The following CHURC1 variants were observed in gnomAD, a reference collection of about 807,000 sequenced individuals.
CHURC1 encodes the protein churchill domain containing 1, also known as protein Churchill.
Under a neutral mutation model 15.4 loss-of-function variants are expected in CHURC1, and 12 were observed. The observed-to-expected ratio is 0.78, with a 90% confidence interval of 0.50 to 1.27. The LOEUF is 1.27. Ranked by LOEUF, CHURC1 falls within the 50% of genes most tolerant of loss-of-function variation. CHURC1 has a pLI of 0.00. For synonymous variants in CHURC1, 42 were observed against 47.5 expected (o/e 0.88, Z 0.48); for missense variants, 132 against 137.8 (o/e 0.96, Z 0.21).
In CHURC1 at chr14:64,932,214, T is replaced by TG. The variant is rs776154153; in HGVS notation, c.324dup (p.Thr109AspfsTer50). 1.2e-5 allele frequency: 20 copies of TG among 1,613,970 alleles called. No individual in the cohort carries two copies. The East Asian group carries it at 3.8e-4, about 31-fold the overall frequency. On this transcript the variant is annotated frameshift_variant, in exon 4 of 4. Coordinates refer to ENST00000549115, the MANE Select transcript of CHURC1 (RefSeq NM_001386928.1). LOFTEE classifies it high-confidence loss of function. ...ATTCTCCCTGATGACCCCCGACAAA[T>TG]GACTCTCTTATTCTAAGGATCCTTC...
chr14:64,917,922 C>T (rs1055152924), intron 1 of CHURC1, among the ~76,000 whole-genome samples: 2 of 152,154 alleles, frequency 1.3e-5, no homozygotes, highest in African/African-American at 4.8e-5. Context: ...TATCATGCTT[C>T]ACCTGAGGTT....
In CHURC1 at chr14:64,933,619, T is replaced by C. The variant is rs976191734; in HGVS notation, c.*1389T>C. 1 of 985,280 alleles carries C rather than the reference T, an allele frequency of 1.0e-6. No homozygotes were observed. The highest frequency in any genetic ancestry group is 4.7e-5 in the South Asian group (1 of 21,292). The allele number at this position is 985,280 out of a possible 1,614,324, so 61.0% of individuals were successfully genotyped here. On this transcript the variant is annotated 3_prime_UTR_variant, in exon 4 of 4. Coordinates refer to ENST00000549115, the MANE Select transcript of CHURC1 (RefSeq NM_001386928.1). ...ATGAATTAGTGAATGTAAGATACTTTAGAAAGCATGTAAAGTACTAGAAAC... is the reference window on the plus strand; with the variant it reads ...ATGAATTAGTGAATGTAAGATACTTCAGAAAGCATGTAAAGTACTAGAAAC...
At position 64,918,054 on chromosome 14, in the gene CHURC1, G is replaced by T. The variant is rs903619253; in HGVS notation, c.39+3520G>T. Among the ~76,000 whole-genome samples, 7 of 152,292 alleles carry T rather than the reference G, an allele frequency of 4.6e-5. No homozygotes were observed. The South Asian group carries it at 6.2e-4, about 14-fold the overall frequency. Reference sequence around the variant, plus strand: ...TTTGTTCTCTGAGGAAAAAAATGTAGAGAATCAAGGACTGAGCTCCAAAGA... The same window carrying T: ...TTTGTTCTCTGAGGAAAAAAATGTATAGAATCAAGGACTGAGCTCCAAAGA... On this transcript the variant is annotated intron_variant, in intron 1 of 3. Coordinates refer to ENST00000549115, the MANE Select transcript of CHURC1 (RefSeq NM_001386928.1).
intron 3 of CHURC1, among the ~76,000 whole-genome samples, chr14:64,929,395 A>G (rs1458947904): frequency 2.0e-5 from 3 of 151,956 alleles, no homozygotes; most frequent in South Asian, 2.1e-4. Context: ...TCTTGTACCT[A>G]TGTCAGGCCC....
chr14:64,916,632 C>T (rs1566826584), intron 1 of CHURC1, among the ~76,000 whole-genome samples: 1 of 152,094 alleles, frequency 6.6e-6, no homozygotes, highest in Non-Finnish European at 1.5e-5. Context: ...GGTTGGAGTG[C>T]AGTGGCATGA....
At chr14:64,916,794 GGT>G (rs1352562940) in intron 1 of CHURC1, among the ~76,000 whole-genome samples, 1 of 152,016 alleles carries the variant, frequency 6.6e-6, no homozygotes, top group East Asian at 1.9e-4. Context: ...TAGCCAGGAT[GGT>G]CTCGATCTCC....
rs140717807 is a variant in CHURC1, at chr14:64,933,509, C to G, written c.*1279C>G. On this transcript the variant is annotated 3_prime_UTR_variant, in exon 4 of 4. Coordinates refer to ENST00000549115, the MANE Select transcript of CHURC1 (RefSeq NM_001386928.1). The stretch of plus-strand genomic sequence containing the variant: ...TATAGTCATTAAGCAAAGCATTACT[C>G]TGGACTTTATTGTCCTGTTTCTATC... 551 of 983,592 alleles carry G rather than the reference C, an allele frequency of 5.6e-4. No homozygotes were observed. The highest frequency in any genetic ancestry group is 6.4e-4 in the Non-Finnish European group (526 of 828,240). 60.9% of individuals were successfully genotyped at this position (983,592 alleles called of 1,614,324 possible). A position where few individuals can be genotyped will look rare whatever the true frequency, so the allele number is the denominator to read the frequency against.
Position 64,933,571 on chromosome 14 carries a change from C to G in CHURC1, c.*1341C>G. On this transcript the variant is annotated 3_prime_UTR_variant, in exon 4 of 4. Coordinates refer to ENST00000549115, the MANE Select transcript of CHURC1 (RefSeq NM_001386928.1). Reference sequence around the variant, plus strand: ...ACAAAAATTGATATAATACATTCATCACAGTATTGTTAGGAGATTTAAATG... The same window carrying G: ...ACAAAAATTGATATAATACATTCATGACAGTATTGTTAGGAGATTTAAATG... The G allele has an allele frequency of 1.0e-6, 1 of 972,970 alleles. No individual in the cohort carries two copies. Among genetic ancestry groups the G allele is most frequent in the Non-Finnish European group, 1.2e-6 (1 of 818,762 alleles). The allele number at this position is 972,970 out of a possible 1,614,324, so 60.3% of individuals were successfully genotyped here. A position where few individuals can be genotyped will look rare whatever the true frequency, so the allele number is the denominator to read the frequency against.
intron 1 of CHURC1, among the ~76,000 whole-genome samples, chr14:64,923,347 G>T (rs1281019763): frequency 6.8e-6 from 1 of 146,762 alleles, no homozygotes; most frequent in African/African-American, 2.5e-5. Flanking sequence ...AACTTTTTTT[G>T]AAAATTTGTA....
At chr14:64,931,528 T>G (rs1885075564) in intron 3 of CHURC1, among the ~76,000 whole-genome samples, 1 of 151,544 alleles carries the variant, frequency 6.6e-6, no homozygotes. Flanking sequence ...AGTGATACCG[T>G]GTCTAAAAAA....
intron 1 of CHURC1, among the ~76,000 whole-genome samples, chr14:64,917,537 T>C (rs1455078291): frequency 6.6e-6 from 1 of 152,072 alleles, no homozygotes; most frequent in Admixed American, 6.5e-5. Context: ...CTCTCCACCA[T>C]GGGTGACAAG....
intron 3 of CHURC1, among the ~76,000 whole-genome samples, chr14:64,927,615 G>C (rs1034297582): frequency 1.3e-5 from 2 of 151,802 alleles, no homozygotes; most frequent in African/African-American, 4.8e-5. Flanking sequence ...CAGGAAGAAG[G>C]TAAAGGAAGG....
At chr14:64,917,908 T>C (rs1487616138) in intron 1 of CHURC1, among the ~76,000 whole-genome samples, 4 of 152,210 alleles carry the variant, frequency 2.6e-5, no homozygotes, top group Admixed American at 2.0e-4. Flanking sequence ...CAAATTGTTA[T>C]TAATATCATG....
intron 1 of CHURC1, among the ~76,000 whole-genome samples, chr14:64,915,431 G>A (rs564548913): frequency 6.6e-6 from 1 of 152,222 alleles, no homozygotes; most frequent in African/African-American, 2.4e-5. Flanking sequence ...AGGGAAAGGG[G>A]AGGGCAATAG....
At chr14:64,924,982 T>C (rs965090790) in intron 2 of CHURC1, among the ~76,000 whole-genome samples, 2 of 152,214 alleles carry the variant, frequency 1.3e-5, no homozygotes, top group Admixed American at 1.3e-4. Context: ...GCTAGAAGAA[T>C]CTTTTTCTTT....
chr14:64,932,918 G>T lies in CHURC1; in HGVS notation c.*688G>T, dbSNP rs1468195743. 2 of 152,188 alleles carry T rather than the reference G, an allele frequency of 1.3e-5. No homozygotes were observed. Among genetic ancestry groups the T allele is most frequent in the Non-Finnish European group, 2.9e-5 (2 of 68,046 alleles). The allele number at this position is 152,188 out of a possible 1,614,324, so 9.4% of individuals were successfully genotyped here. A position where few individuals can be genotyped will look rare whatever the true frequency, so the allele number is the denominator to read the frequency against. ...TGCAGAGTATAATATGGAAAGGGGG[G>T]AAAAGAGTAACTTTACAGTGGAGAA... On this transcript the variant is annotated 3_prime_UTR_variant, in exon 4 of 4. Transcript: ENST00000549115.
At chr14:64,924,169 T>G (rs1483542610) in intron 2 of CHURC1, 43 bp downstream of exon 2, 26 of 1,568,174 alleles carry the variant, frequency 1.7e-5, no homozygotes, top group Non-Finnish European at 2.2e-5. Flanking sequence ...TTAGCAGGTG[T>G]CAGCTTTTGG....
Position 64,933,407 on chromosome 14 carries a change from T to C in CHURC1, c.*1177T>C. ...GGCTTTAAAGGGATTTTAGAATATCTTACTTTGCATAGTTTCATGAGCACT... is the reference window on the plus strand; with the variant it reads ...GGCTTTAAAGGGATTTTAGAATATCCTACTTTGCATAGTTTCATGAGCACT... On this transcript the variant is annotated 3_prime_UTR_variant, in exon 4 of 4. Coordinates refer to ENST00000549115, the MANE Select transcript of CHURC1 (RefSeq NM_001386928.1). 1 of 985,504 alleles carries C rather than the reference T, an allele frequency of 1.0e-6. No individual in the cohort carries two copies. Among genetic ancestry groups the C allele is most frequent in the Non-Finnish European group, 1.2e-6 (1 of 829,950 alleles). 61.0% of individuals were successfully genotyped at this position (985,504 alleles called of 1,614,324 possible).
rs1471017686 is a variant in CHURC1 at position 64,932,913 on chromosome 14, G to C, written c.*683G>C. 1 of 152,174 alleles carries C rather than the reference G, an allele frequency of 6.6e-6. No individual in the cohort carries two copies. Among genetic ancestry groups the C allele is most frequent in the Admixed American group, 6.6e-5 (1 of 15,262 alleles). 9.4% of individuals were successfully genotyped at this position (152,174 alleles called of 1,614,324 possible). On this transcript the variant is annotated 3_prime_UTR_variant, in exon 4 of 4. Transcript: ENST00000549115. Reference sequence around the variant, plus strand: ...TTCCTTGCAGAGTATAATATGGAAAGGGGGGAAAAGAGTAACTTTACAGTG... The same window carrying C: ...TTCCTTGCAGAGTATAATATGGAAACGGGGGAAAAGAGTAACTTTACAGTG...
Sources: gnomAD v4.1 joint callset for allele counts (sites outside exome capture counted in the v4.1 genomes callset) on GRCh38, gnomAD v4.1.1 for gene constraint, MANE v1.5 for transcripts, NCBI Gene and HGNC (gene_info 2026-07-23, HGNC 2026-07-21) for gene names.